CCDC38: variants seen among roughly 807,000 people sequenced by gnomAD.
CCDC38 encodes coiled-coil domain containing 38, also known as coiled-coil domain-containing protein 38.
A neutral mutation model predicts 72.8 loss-of-function variants in CCDC38; 69 were observed. That is an observed-to-expected ratio of 0.95 (90% CI 0.78 to 1.16). The LOEUF is 1.16. Ranked by LOEUF, CCDC38 falls within the 50% of genes most tolerant of loss-of-function variation. The pLI is 0.00. For missense variants in CCDC38, 626 were observed against 638.9 expected (o/e 0.98, Z 0.22); for synonymous variants, 201 against 213.2 (o/e 0.94, Z 0.50).
At chr12:95,910,302 T>TACACACACACAC (rs141853582) in intron 4 of CCDC38, among the ~76,000 whole-genome samples, 18 of 148,424 alleles carry the variant, frequency 1.2e-4, no homozygotes, top group African/African-American at 3.0e-4. Context: ...CCATTTACAT[T>TACACACACACAC]ACACACACAC....
intron 5 of CCDC38, among the ~76,000 whole-genome samples, chr12:95,899,692 G>T (rs983482487): frequency 1.8e-4 from 28 of 152,178 alleles, no homozygotes; most frequent in African/African-American, 6.3e-4. Flanking sequence ...GAAATGAGAT[G>T]ATTTTAAAGA....
At chr12:95,898,188 A>G (rs1450806523) in intron 7 of CCDC38, among the ~76,000 whole-genome samples, 197 bp downstream of exon 7, 1 of 152,232 alleles carries the variant, frequency 6.6e-6, no homozygotes, top group African/African-American at 2.4e-5. Flanking sequence ...AGACTTTCCA[A>G]CCGGAAGCCA....
At chr12:95,923,796 G>T (rs1458675586) in intron 2 of CCDC38, among the ~76,000 whole-genome samples, 1 of 149,268 alleles carries the variant, frequency 6.7e-6, no homozygotes, top group Admixed American at 6.7e-5. Flanking sequence ...TGTGGTGTTT[G>T]GTTTTTTGTT....
chr12:95,903,232 T>C (rs2079967875), intron 5 of CCDC38, among the ~76,000 whole-genome samples: 1 of 152,198 alleles, frequency 6.6e-6, no homozygotes, highest in Non-Finnish European at 1.5e-5. Flanking sequence ...AATTGATTTC[T>C]GTAAATTGAC....
intron 2 of CCDC38, among the ~76,000 whole-genome samples, chr12:95,927,519 A>G (rs4762252): frequency 0.52 from 79,194 of 150,882 alleles, 21,469 homozygotes; most frequent in East Asian, 0.92. Flanking sequence ...CTTTTAATTG[A>G]AGCATTTAGT....
At chr12:95,913,933 G>A (rs1284968650) in intron 4 of CCDC38, among the ~76,000 whole-genome samples, 2 of 151,172 alleles carry the variant, frequency 1.3e-5, no homozygotes, top group Non-Finnish European at 2.9e-5. Flanking sequence ...CAGACACAAC[G>A]AGGAGGCAAA....
At chr12:95,908,454 G>C in intron 4 of CCDC38, among the ~76,000 whole-genome samples, 1 of 86 alleles carries the variant, frequency 0.012, no homozygotes, top group Middle Eastern at 0.5. Context: ...AGAGGGAGAG[G>C]GAGAGGGAGA....
At chr12:95,894,924 A>G in intron 8 of CCDC38, 65 bp downstream of exon 8, 1 of 1,286,956 alleles carries the variant, frequency 7.8e-7, no homozygotes, top group Non-Finnish European at 1.1e-6. Flanking sequence ...GATAAAAAAC[A>G]TTGAAGCAGA....
intron 2 of CCDC38, chr12:95,933,290 G>A (rs2080357193): frequency 6.6e-6 from 1 of 152,070 alleles, no homozygotes; most frequent in African/African-American, 2.4e-5. Context: ...GTACTCCATA[G>A]AGATGACATA....
At chr12:95,877,666 A>G (rs1466843729) in intron 13 of CCDC38, among the ~76,000 whole-genome samples, 1 of 152,214 alleles carries the variant, frequency 6.6e-6, no homozygotes, top group East Asian at 1.9e-4. Context: ...ATAATAAGTC[A>G]ATCCCTGCAC....
chr12:95,911,893 C>G (rs1249860072), intron 4 of CCDC38, among the ~76,000 whole-genome samples: 1 of 152,182 alleles, frequency 6.6e-6, no homozygotes, highest in Non-Finnish European at 1.5e-5. Flanking sequence ...ATAAATTGTT[C>G]TGTCAAAAAG....
At chr12:95,886,512 A>T (rs543076755) in intron 10 of CCDC38, among the ~76,000 whole-genome samples, 23 of 152,284 alleles carry the variant, frequency 1.5e-4, no homozygotes, top group African/African-American at 5.5e-4. Context: ...GACCCTATTA[A>T]GAGGATAAAA....
Position 95,872,373 on chromosome 12 carries a change from T to C in CCDC38, c.1366A>G (p.Ile456Val), listed in dbSNP as rs763198256. Residue 456 changes from isoleucine (I) to valine (V), a missense_variant, in exon 14 of 16, where the codon ATT becomes GTT. Physicochemically the swap from Ile to Val is conservative, Grantham distance 29 (BLOSUM62 3). Coordinates refer to ENST00000344280, the MANE Select transcript of CCDC38 (RefSeq NM_182496.3). ...GATTCTACTTTTACCAGCTTTTGAA[T>C]TGGGTTGAGGCCGTCATCCTCAGCA... Reference protein sequence around the residue: ...GDAEDDGLNPIQKLVKVESRL... With the variant: ...GDAEDDGLNPVQKLVKVESRL... The C allele has an allele frequency of 5.0e-6, 8 of 1,614,060 alleles. No individual in the cohort carries two copies. The highest frequency in any genetic ancestry group is 4.0e-5 in the African/African-American group (3 of 74,928).
chr12:95,940,710 C>G (rs1182754680), intron 1 of CCDC38, among the ~76,000 whole-genome samples: 1 of 152,092 alleles, frequency 6.6e-6, no homozygotes, highest in Non-Finnish European at 1.5e-5. Context: ...GCCACTGGGT[C>G]CTTGGCCTGC....
At chr12:95,929,359 G>T (rs2136736585) in intron 2 of CCDC38, among the ~76,000 whole-genome samples, 1 of 152,310 alleles carries the variant, frequency 6.6e-6, no homozygotes, top group East Asian at 1.9e-4. Flanking sequence ...CTGACCCCTT[G>T]CACTTCCCGA....
At position 95,932,905 on chromosome 12, in the gene CCDC38, A is replaced by G. The variant is rs2080353044; in HGVS notation, c.37+3568T>C. Among the ~76,000 whole-genome samples the G allele has an allele frequency of 4.6e-5, 7 of 152,316 alleles. No individual in the cohort carries two copies. In the South Asian group the frequency reaches 1.2e-3, roughly 27 times the overall value. The stretch of plus-strand genomic sequence containing the variant: ...CAGTAAAGGGAAAGACAAATTCACT[A>G]ATGGACTAGAATGGAAATCTCAGGA... On this transcript the variant is annotated intron_variant, in intron 2 of 15. Coordinates refer to ENST00000344280, the MANE Select transcript of CCDC38 (RefSeq NM_182496.3).
At chr12:95,868,142 G>A (rs1328368694) in intron 15 of CCDC38, among the ~76,000 whole-genome samples, 12 of 152,114 alleles carry the variant, frequency 7.9e-5, no homozygotes, top group African/African-American at 4.8e-5. Context: ...TCCTAACTGG[G>A]TCAGCTTCTA....
At chr12:95,881,148 T>G (rs1432022214) in intron 11 of CCDC38, among the ~76,000 whole-genome samples, 6 of 151,866 alleles carry the variant, frequency 4.0e-5, no homozygotes, top group Admixed American at 3.9e-4. Flanking sequence ...CTATTTATTT[T>G]ATGGTTCAGC....
At chr12:95,910,047 A>T (rs1043048157) in intron 4 of CCDC38, among the ~76,000 whole-genome samples, 2 of 152,170 alleles carry the variant, frequency 1.3e-5, no homozygotes, top group African/African-American at 4.8e-5. Context: ...GGAAGTCTTA[A>T]CCAGGGCAAT....
Sources: allele counts gnomAD v4.1 joint callset (sites outside exome capture counted in the v4.1 genomes callset), GRCh38; gene constraint gnomAD v4.1.1; transcripts MANE v1.5; gene names NCBI Gene and HGNC (gene_info 2026-07-23, HGNC 2026-07-21).